Variants in CFAP45 observed in about 807,000 individuals in gnomAD.
The protein encoded by CFAP45 is cilia- and flagella-associated protein 45.
Under a neutral mutation model 75.6 loss-of-function variants are expected in CFAP45, and 43 were observed. The observed-to-expected ratio is 0.57, with a 90% confidence interval of 0.45 to 0.73. CFAP45 has a LOEUF of 0.73. Ranked by LOEUF, CFAP45 falls within the 30% of genes least tolerant of loss-of-function variation. CFAP45 has a pLI of 0.00. For synonymous variants in CFAP45, 223 were observed against 244.6 expected, an observed-to-expected ratio of 0.91 and a Z score of 0.82; for missense variants, 689 against 701.5, an observed-to-expected ratio of 0.98 and a Z score of 0.20.
At chr1:159,899,612 C>T (rs927458286) in intron 1 of CFAP45, among the ~76,000 whole-genome samples, 5 of 151,924 alleles carry the variant, frequency 3.3e-5, no homozygotes, top group African/African-American at 4.8e-5. Context: ...GGACTACAGG[C>T]GCCCGCCACC....
chr1:159,873,221 G>A (rs1649323288), intron 10 of CFAP45, 53 bp from the exon 11 acceptor site: 1 of 1,540,980 alleles, frequency 6.5e-7, no homozygotes, highest in African/African-American at 1.4e-5. Flanking sequence ...GCCCAGGCCA[G>A]GAAAGGTGGT....
At chr1:159,885,897 A>G (rs928562613) in intron 6 of CFAP45, among the ~76,000 whole-genome samples, 2 of 152,218 alleles carry the variant, frequency 1.3e-5, no homozygotes, top group Admixed American at 1.3e-4. Context: ...TATTCAAAAA[A>G]GAGAAAACAA....
chr1:159,892,726 G>A (rs139307435), intron 2 of CFAP45, among the ~76,000 whole-genome samples: 159 of 152,278 alleles, frequency 1.0e-3, no homozygotes, highest in Non-Finnish European at 1.9e-3. Flanking sequence ...AGACCTGCTC[G>A]TTTCCCAAAG....
chr1:159,877,465 G>A lies in CFAP45; in HGVS notation c.1045-3C>T, dbSNP rs779406126. 6 of 1,608,782 alleles carry A rather than the reference G, an allele frequency of 3.7e-6. No homozygotes were observed. The South Asian group carries it at 5.5e-5, about 15-fold the overall frequency. On this transcript the variant is annotated splice_polypyrimidine_tract_variant and splice_region_variant and intron_variant, in intron 8 of 11. Coordinates refer to ENST00000368099, the MANE Select transcript of CFAP45 (RefSeq NM_012337.3). Reference sequence around the variant, plus strand: ...GCCTCAAACTCTGCTTCTCGAGCCTGCCGGAAGGAAAGGCCTTGTAGAATA... The same window carrying A: ...GCCTCAAACTCTGCTTCTCGAGCCTACCGGAAGGAAAGGCCTTGTAGAATA...
intron 5 of CFAP45, 116 bp downstream of exon 5, chr1:159,887,725 C>CCCCCCCCCCCA: frequency 9.4e-7 from 1 of 1,064,596 alleles, no homozygotes; most frequent in Non-Finnish European, 1.4e-6. Flanking sequence ...AGCTCTCCCC[C>CCCCCCCCCCCA]GCCCCACCCC....
At chr1:159,877,656 C>T (rs760920239) in intron 8 of CFAP45, among the ~76,000 whole-genome samples, 194 bp from the exon 9 acceptor site, 3 of 152,134 alleles carry the variant, frequency 2.0e-5, no homozygotes, top group African/African-American at 7.2e-5. Flanking sequence ...GCAGGAGGAC[C>T]ACTTGAGCCC....
Position 159,893,312 on chromosome 1 carries a change from G to A in CFAP45, c.4-7C>T, listed in dbSNP as rs764030288. The A allele has an allele frequency of 2.7e-5, 44 of 1,612,380 alleles. No individual in the cohort carries two copies. Among genetic ancestry groups the A allele is most frequent in the Middle Eastern group, 1.9e-4 (1 of 5,174 alleles). On this transcript the variant is annotated splice_polypyrimidine_tract_variant and splice_region_variant and intron_variant, in intron 1 of 11. Coordinates refer to ENST00000368099, the MANE Select transcript of CFAP45 (RefSeq NM_012337.3). ...TGCCAGCTGTGCTTAGTGGCTGCAG[G>A]AAGAGGCAGAAAGTTTGGGTCATCA...
rs773556552 is a variant in CFAP45 at position 159,900,016 on chromosome 1, TC to T, written c.3+79del. 3 of 1,551,182 alleles carry T rather than the reference TC, an allele frequency of 1.9e-6. No homozygotes were observed. The South Asian group carries it at 3.4e-5, about 18-fold the overall frequency. On this transcript the variant is annotated intron_variant, in intron 1 of 11. Coordinates refer to ENST00000368099, the MANE Select transcript of CFAP45 (RefSeq NM_012337.3). ...CTGACCCCTAGACCCAACTGTGACC[TC>T]CCCTAGGCCCCCACTTTCCCCACTC...
chr1:159,883,315 G>GA (rs1649594506), intron 7 of CFAP45, among the ~76,000 whole-genome samples: 1 of 132,654 alleles, frequency 7.5e-6, no homozygotes, highest in Admixed American at 7.7e-5. Flanking sequence ...TGAATGAATG[G>GA]GGGAACTCTT....
intron 1 of CFAP45, among the ~76,000 whole-genome samples, chr1:159,895,317 T>G (rs758531512): frequency 1.3e-5 from 2 of 152,132 alleles, no homozygotes; most frequent in South Asian, 4.1e-4. Flanking sequence ...GCCAGGCACA[T>G]TGGGTCTCCC....
At chr1:159,883,056 C>A (rs957233632) in intron 7 of CFAP45, among the ~76,000 whole-genome samples, 3 of 152,176 alleles carry the variant, frequency 2.0e-5, no homozygotes, top group African/African-American at 7.2e-5. Flanking sequence ...AGTCTGCCCA[C>A]CTGCAGCACT....
At position 159,873,226 on chromosome 1, in the gene CFAP45, G is replaced by A. The variant is rs192438911; in HGVS notation, c.1353-58C>T. ...AGCTGAGCTGGCCCAGGCCAGGAAA[G>A]GTGGTGGGGGAGCCTCCTGGGTGGG... On this transcript the variant is annotated intron_variant, in intron 10 of 11. Coordinates refer to ENST00000368099, the MANE Select transcript of CFAP45 (RefSeq NM_012337.3). 5,445 of 1,498,552 alleles carry A rather than the reference G, an allele frequency of 3.6e-3. 26 individuals are homozygous for A. Among genetic ancestry groups the A allele is most frequent in the Admixed American group, 8.6e-3 (492 of 56,896 alleles). The allele number at this position is 1,498,552 out of a possible 1,614,324, so 92.8% of individuals were successfully genotyped here. A position where few individuals can be genotyped will look rare whatever the true frequency, so the allele number is the denominator to read the frequency against.
intron 1 of CFAP45, among the ~76,000 whole-genome samples, chr1:159,894,881 G>A (rs988603222): frequency 1.3e-5 from 2 of 152,184 alleles, no homozygotes; most frequent in Non-Finnish European, 2.9e-5. Context: ...CAGCGTCTGG[G>A]CAACACTGAT....
intron 4 of CFAP45, 58 bp downstream of exon 4, chr1:159,888,294 A>G: frequency 6.4e-7 from 1 of 1,555,950 alleles, no homozygotes; most frequent in Non-Finnish European, 8.8e-7. Context: ...AGAGTTCCCC[A>G]GTGCATTTTG....
chr1:159,892,178 T>C (rs1649844349), intron 2 of CFAP45, among the ~76,000 whole-genome samples: 1 of 152,044 alleles, frequency 6.6e-6, no homozygotes. Flanking sequence ...TCCCAGCTAC[T>C]TGGGAGGCTG....
At chr1:159,877,315 G>A in intron 9 of CFAP45, 34 bp downstream of exon 9, 1 of 1,441,986 alleles carries the variant, frequency 6.9e-7, no homozygotes. Context: ...AAGGGAGTGG[G>A]AAAAGTAGAG....
chr1:159,876,640 CT>C lies in CFAP45; in HGVS notation c.1267del (p.Ser423ValfsTer103). 1 of 1,614,194 alleles carries C rather than the reference CT, an allele frequency of 6.2e-7. No homozygotes were observed. The highest frequency in any genetic ancestry group is 8.5e-7 in the Non-Finnish European group (1 of 1,180,022). Reference sequence around the variant, plus strand: ...CTTGAAAGCCACCTGTTCGAGCCGACTTTTTCGCAGCTCAGCCTCTGTTTCC... The same window carrying C: ...CTTGAAAGCCACCTGTTCGAGCCGACTTTTCGCAGCTCAGCCTCTGTTTCC... ...KMETEAELRK[S>X]RLEQVAFKEH... On this transcript the variant is annotated frameshift_variant, in exon 10 of 12. Transcript: ENST00000368099. LOFTEE classifies it high-confidence loss of function.
chr1:159,878,753 T>TAAAAAAAAAAAAAAAAAACA (rs1649470323), intron 8 of CFAP45, among the ~76,000 whole-genome samples: 1 of 32,496 alleles, frequency 3.1e-5, no homozygotes, highest in Non-Finnish European at 5.8e-5. Flanking sequence ...AGACTACATC[T>TAAAAAAAAAAAAAAAAAACA]AAAAAAAAAA....
rs1021720818 is a variant in CFAP45, at chr1:159,900,152, A to G, written c.-54T>C. On this transcript the variant is annotated 5_prime_UTR_variant, in exon 1 of 12. Transcript: ENST00000368099. ...CTTCTGCTGCCGCCTCGGCGCCGCCAAGGCCCTAGTGTTGACGCGTTACCT... is the reference window on the plus strand; with the variant it reads ...CTTCTGCTGCCGCCTCGGCGCCGCCGAGGCCCTAGTGTTGACGCGTTACCT... 1.8e-5 allele frequency: 29 copies of G among 1,612,962 alleles called. No individual in the cohort carries two copies. Among genetic ancestry groups the G allele is most frequent in the African/African-American group, 2.7e-5 (2 of 74,874 alleles).
Sources: gnomAD v4.1 joint callset for allele counts (sites outside exome capture counted in the v4.1 genomes callset) on GRCh38, gnomAD v4.1.1 for gene constraint, MANE v1.5 for transcripts, NCBI Gene and HGNC (gene_info 2026-07-23, HGNC 2026-07-21) for gene names.